Variants in ACIN1 observed in about 807,000 individuals in gnomAD.
ACIN1 encodes the protein apoptotic chromatin condensation inducer 1.
A neutral mutation model predicts 146.6 loss-of-function variants in ACIN1; 16 were observed. The ratio of observed to expected loss-of-function variants is 0.11; its 90% CI spans 0.07 to 0.17. The LOEUF (loss-of-function observed/expected upper bound fraction) is 0.17, where lower values mean the gene tolerates loss of function less well. ACIN1 is among the 10% of genes least tolerant of loss of function. ACIN1 has a pLI of 1.00. For synonymous variants in ACIN1, 569 were observed against 582.7 expected (o/e 0.98, Z 0.34); for missense variants, 1,357 against 1,609.3 (o/e 0.84, Z 2.68).
At chr14:23,073,485 CCT>C (rs2047717796) in intron 8 of ACIN1, among the ~76,000 whole-genome samples, 1 of 152,008 alleles carries the variant, frequency 6.6e-6, no homozygotes, top group Non-Finnish European at 1.5e-5. Flanking sequence ...ATGGAGAAAC[CCT>C]GTCTCTACTA....
chr14:23,070,557 A>G (rs1019092593), intron 8 of ACIN1, among the ~76,000 whole-genome samples: 8 of 152,088 alleles, frequency 5.3e-5, no homozygotes, highest in African/African-American at 1.9e-4. Context: ...AGAATCCCAG[A>G]GATTCACTTC....
At chr14:23,087,782 G>A (rs1187074471) in intron 4 of ACIN1, among the ~76,000 whole-genome samples, 4 of 151,544 alleles carry the variant, frequency 2.6e-5, no homozygotes, top group South Asian at 4.2e-4. Flanking sequence ...CTTTTAAATT[G>A]TTTTGCTGAC....
intron 4 of ACIN1, among the ~76,000 whole-genome samples, chr14:23,087,251 T>G (rs17093523): frequency 2.6e-5 from 4 of 152,154 alleles, no homozygotes; most frequent in Non-Finnish European, 5.9e-5. Context: ...TAAGCACTGA[T>G]AGAATTCCAA....
intron 2 of ACIN1, among the ~76,000 whole-genome samples, chr14:23,091,070 G>T (rs1292730463): frequency 6.6e-6 from 1 of 151,880 alleles, no homozygotes; most frequent in Admixed American, 6.6e-5. Context: ...ACACTCGGCT[G>T]ATTTTTGTAT....
chr14:23,072,689 G>A (rs1281189296), intron 8 of ACIN1, among the ~76,000 whole-genome samples: 1 of 152,200 alleles, frequency 6.6e-6, no homozygotes, highest in Non-Finnish European at 1.5e-5. Context: ...TGTAACATTT[G>A]AGCTTTTAAG....
Position 23,090,517 on chromosome 14 carries a change from C to T in ACIN1, c.316+5G>A. ...TCCTTGTTAAAAGTGACAATCTGGG[C>T]TTACCTTCAAGTTCTGCAGCTTCTC... On this transcript the variant is annotated splice_donor_5th_base_variant and intron_variant, in intron 3 of 18. Transcript: ENST00000605057. 6.2e-7 allele frequency: 1 copy of T among 1,613,444 alleles called. No individual in the cohort carries two copies. The highest frequency in any genetic ancestry group is 2.2e-5 in the East Asian group (1 of 44,876).
rs752845066 is a variant in ACIN1, at chr14:23,080,549, C to T, written c.786G>A (p.Met262Ile). 10 of 1,614,054 alleles carry T rather than the reference C, an allele frequency of 6.2e-6. No homozygotes were observed. Among genetic ancestry groups the T allele is most frequent in the Non-Finnish European group, 6.8e-6 (8 of 1,179,990 alleles). The change falls in exon 6 of 19, where the codon ATG becomes ATA. Residue 262 changes from methionine to isoleucine, a missense_variant. This residue lies in a region of ACIN1 where 771 missense variants were observed against 746.6 expected (regional missense o/e 1.03). Transcript: ENST00000605057. Reference sequence around the variant, plus strand: ...GGGATCTTGTTTTGGGTCTCTCATCCATCATCTCCTCTGGTTTTACTCTAG... The same window carrying T: ...GGGATCTTGTTTTGGGTCTCTCATCTATCATCTCCTCTGGTTTTACTCTAG... ...EIPRVKPEEM[M>I]DERPKTRSQE... is the part of the protein sequence containing the mutation.
At chr14:23,089,029 G>A (rs768075782) in intron 4 of ACIN1, among the ~76,000 whole-genome samples, 1 of 152,110 alleles carries the variant, frequency 6.6e-6, no homozygotes, top group African/African-American at 2.4e-5. Flanking sequence ...ATGCAAAATT[G>A]GGTGCCTATT....
upstream of ACIN1, chr14:23,095,186 G>GTA (rs1185304061): frequency 6.2e-7 from 1 of 1,614,126 alleles, no homozygotes; most frequent in East Asian, 2.2e-5. Flanking sequence ...CCCTTCGAAC[G>GTA]TACCGAGATG....
At chr14:23,095,601 C>T (rs1056957173), upstream of ACIN1, 9 of 359,064 alleles carry the variant, frequency 2.5e-5, no homozygotes, top group Non-Finnish European at 4.6e-5. Context: ...TTCGGGTGCC[C>T]TTCGAGAGAA....
At chr14:23,095,246 C>T (rs755085668), upstream of ACIN1, 4 of 1,608,504 alleles carry the variant, frequency 2.5e-6, 1 homozygote, top group African/African-American at 2.7e-5. Context: ...CAGAACTCCC[C>T]GGGTTCCTCC....
rs1566761279 is a variant in ACIN1, at chr14:23,093,466, CCTT to C, written c.204+10_204+12del. The C allele has an allele frequency of 6.2e-6, 10 of 1,612,538 alleles. No homozygotes were observed. The Admixed American group carries it at 6.7e-5, about 11-fold the overall frequency. ...CAAAGGGCCCACTCCATTGAATACA[CCTT>C]CTTTCTCACCTGGGAATTTGGCTGG... On this transcript the variant is annotated intron_variant, in intron 2 of 18. Transcript: ENST00000605057.
At chr14:23,090,455 G>T (rs944600855) in intron 3 of ACIN1, 67 bp downstream of exon 3, 2 of 1,359,940 alleles carry the variant, frequency 1.5e-6, no homozygotes, top group African/African-American at 2.9e-5. Flanking sequence ...AGTTAGACAG[G>T]CCTATCTACT....
chr14:23,061,497 T>TGCCCAA lies in ACIN1; in HGVS notation c.3224_3225insTTGGGC (p.Ala1075_Glu1076insTrpAla), dbSNP rs887512200. 7.1e-6 allele frequency: 9 copies of TGCCCAA among 1,268,486 alleles called. No homozygotes were observed. Among genetic ancestry groups the TGCCCAA allele is most frequent in the Non-Finnish European group, 9.5e-6 (9 of 946,464 alleles). The allele number at this position is 1,268,486 out of a possible 1,614,324, so 78.6% of individuals were successfully genotyped here. A position where few individuals can be genotyped will look rare whatever the true frequency, so the allele number is the denominator to read the frequency against. On this transcript the variant is annotated inframe_insertion, in exon 17 of 19. Transcript: ENST00000605057. ...CTGCCCGTTCCTGCTCCCGCTGCTC[T>TGCCCAA]GCCCGGGGGTGCTGTGGTGGCTGGA... is the stretch of plus-strand genomic sequence containing the variant.
At chr14:23,064,043 G>T in intron 12 of ACIN1, 62 bp downstream of exon 12, 1 of 1,596,062 alleles carries the variant, frequency 6.3e-7, no homozygotes, top group Non-Finnish European at 8.6e-7. Context: ...CAGCTCCTCA[G>T]CTAGCTGCTC....
At chr14:23,070,078 G>A (rs1481763359) in intron 8 of ACIN1, among the ~76,000 whole-genome samples, 1 of 151,906 alleles carries the variant, frequency 6.6e-6, no homozygotes, top group Non-Finnish European at 1.5e-5. Flanking sequence ...CCCTTAAAAA[G>A]ACAAGAAAGA....
rs539627634 is a variant in ACIN1, at chr14:23,061,209, A to G, written c.3425-25T>C. The G allele has an allele frequency of 3.1e-6, 5 of 1,613,896 alleles. No homozygotes were observed. In the African/African-American group the frequency reaches 5.3e-5, roughly 17 times the overall value. ...TCTGAGGTGGAAAAAAGTGAACCAG[A>G]TATGATGCATCTGACCCTCTGTCCC... On this transcript the variant is annotated intron_variant, in intron 17 of 18. Transcript: ENST00000605057.
chr14:23,081,763 T>C lies in ACIN1; in HGVS notation c.510A>G (p.Ser170=), dbSNP rs1256140778. 6.2e-7 allele frequency: 1 copy of C among 1,613,186 alleles called. No homozygotes were observed. The stretch of plus-strand genomic sequence containing the variant: ...TCTGAGTTACCTGTCTGACCCTAGA[T>C]GATCGTCTTTCTCCTTTCCTTGGTT... The part of the protein sequence containing the change: ...DEKPRKGERR[S]SRVRQARAAK... The change falls in exon 5 of 19, where the codon TCA becomes TCG. Residue 170 remains serine, a synonymous_variant. Transcript: ENST00000605057.
Position 23,090,556 on chromosome 14 carries a change from C to T in ACIN1, c.282G>A (p.Leu94=), listed in dbSNP as rs780071423. The change falls in exon 3 of 19, where the codon CTG becomes CTA. Residue 94 remains leucine, a synonymous_variant. Coordinates refer to ENST00000605057, the MANE Select transcript of ACIN1 (RefSeq NM_001386863.1). ...CTGCAGCTTCTCGAGCTTCACGTTC[C>T]AGACGCTGCCTAAGTAGCTCCTGCT... ...EKQQELLRQR[L]EREAREAAEL... is the part of the protein sequence containing the mutation. 12 of 1,613,962 alleles carry T rather than the reference C, an allele frequency of 7.4e-6. No homozygotes were observed. The Admixed American group carries it at 8.3e-5, about 11-fold the overall frequency.
Sources: allele counts gnomAD v4.1 joint callset (sites outside exome capture counted in the v4.1 genomes callset), GRCh38; gene constraint gnomAD v4.1.1; regional missense constraint gnomAD v4.1.1; transcripts MANE v1.5; gene names NCBI Gene and HGNC (gene_info 2026-07-23, HGNC 2026-07-21).